GCGR: variants seen among roughly 807,000 people sequenced by gnomAD.
GCGR encodes the protein glucagon receptor.
A neutral mutation model predicts 56.1 loss-of-function variants in GCGR; 41 were observed. That is an observed-to-expected ratio of 0.73 (90% CI 0.57 to 0.95). GCGR has a LOEUF of 0.95. Among genes scored for constraint, GCGR ranks in the 40% least tolerant of loss-of-function variants. The probability of loss-of-function intolerance (pLI) is 0.00; values close to 1 mark genes in which losing one functional copy is unlikely to be tolerated. For synonymous variants in GCGR, 278 were observed against 271.1 expected (o/e 1.03, Z -0.25); for missense variants, 595 against 638.2 (o/e 0.93, Z 0.73).
rs370693011 is a variant in GCGR at position 81,809,889 on chromosome 17, GC to G, written c.163+11del. 2.4e-4 allele frequency: 362 copies of G among 1,527,570 alleles called. No homozygotes were observed. The African/African-American group carries it at 4.3e-3, about 18-fold the overall frequency. 94.6% of individuals were successfully genotyped at this position (1,527,570 alleles called of 1,614,324 possible). A position where few individuals can be genotyped will look rare whatever the true frequency, so the allele number is the denominator to read the frequency against. On this transcript the variant is annotated splice_donor_region_variant and intron_variant, in intron 3 of 13. Transcript: ENST00000400723. ...GCCTGCTGCCCCCTCCCACGGGTGA[GC>G]CCCCCACCCAGAGCCTTTCAGCCTG...
intron 3 of GCGR, 31 bp downstream of exon 3, chr17:81,809,915 G>A (rs1403307855): frequency 1.4e-6 from 2 of 1,465,254 alleles, no homozygotes; most frequent in Non-Finnish European, 1.8e-6. Flanking sequence ...CTTTCAGCCT[G>A]TGCCTGGCCT....
rs572269001 is a variant in GCGR, at chr17:81,810,680, G to C, written c.164-145G>C. On this transcript the variant is annotated intron_variant, in intron 3 of 13. Coordinates refer to ENST00000400723, the MANE Select transcript of GCGR (RefSeq NM_000160.5). The surrounding 1 kb of genome is among the most constrained non-coding windows in gnomAD (Gnocchi z 4.6). ...GTCAGATGGGGGAGGTGGAGGTCAA[G>C]TGGGGGAGGGAGCAGCCCAGGCCAT... The C allele has an allele frequency of 1.4e-5, 10 of 734,332 alleles. No individual in the cohort carries two copies. Among genetic ancestry groups the C allele is most frequent in the East Asian group, 1.3e-4 (5 of 37,114 alleles). The allele number at this position is 734,332 out of a possible 1,614,324, so 45.5% of individuals were successfully genotyped here.
In GCGR at chr17:81,808,974, G is replaced by A. The variant is rs1568249791; in HGVS notation, c.-45G>A. 3 of 1,534,480 alleles carry A rather than the reference G, an allele frequency of 2.0e-6. No homozygotes were observed. The highest frequency in any genetic ancestry group is 1.4e-5 in the African/African-American group (1 of 73,140). On this transcript the variant is annotated 5_prime_UTR_variant, in exon 2 of 14. In the 5' UTR this introduces an upstream ATG that the reference lacks. Transcript: ENST00000400723. ...CCACCAGGACTGCATTGCCCCAGCT[G>A]TGCAGCCCCTGCCAGATGTGGGAGG...
intron 1 of GCGR, among the ~76,000 whole-genome samples, chr17:81,807,336 C>T (rs138583122): frequency 1.7e-4 from 26 of 152,276 alleles, no homozygotes; most frequent in East Asian, 7.7e-4. Context: ...CCAAGGGCTG[C>T]GGTTGGGAGC....
rs772521210 is a variant in GCGR, at chr17:81,811,983, G to T, written c.878+37G>T. ...CGGCTGGACAGCCTGGGGAGGGACC[G>T]GGGGGCTGGGGTGCGGCGCTCTGGC... On this transcript the variant is annotated intron_variant, in intron 9 of 13. Transcript: ENST00000400723. This position sits in a 1 kb window ranked among gnomAD's most constrained non-coding sequence, Gnocchi z 5.8. The T allele has an allele frequency of 7.2e-6, 11 of 1,535,518 alleles. No homozygotes were observed. The South Asian group carries it at 1.3e-4, about 18-fold the overall frequency.
Position 81,813,387 on chromosome 17 carries a change from C to T in GCGR, c.1219-87C>T. The T allele has an allele frequency of 2.4e-6, 3 of 1,243,496 alleles. No individual in the cohort carries two copies. Among genetic ancestry groups the T allele is most frequent in the African/African-American group, 3.0e-5 (2 of 66,946 alleles). 77.0% of individuals were successfully genotyped at this position (1,243,496 alleles called of 1,614,324 possible). ...TGCACCCCTCAGAGCGGAGACTGGG[C>T]ATCTCCGATGAGGCCCACAGCAGGT... On this transcript the variant is annotated intron_variant, in intron 13 of 13. Transcript: ENST00000400723. This position sits in a 1 kb window ranked among gnomAD's most constrained non-coding sequence, Gnocchi z 5.3.
intron 2 of GCGR, 39 bp from the exon 3 acceptor site, chr17:81,809,741 GTC>G (rs200915569): frequency 0.035 from 48,632 of 1,389,634 alleles, 962 homozygotes; most frequent in Middle Eastern, 0.042. Flanking sequence ...CTGCCTGCCT[GTC>G]TGTCTGTCTG....
Position 81,810,429 on chromosome 17 carries a change from G to A in GCGR, c.164-396G>A, listed in dbSNP as rs2038068909. On this transcript the variant is annotated intron_variant, in intron 3 of 13. Transcript: ENST00000400723. The surrounding 1 kb of genome is among the most constrained non-coding windows in gnomAD (Gnocchi z 4.6). ...CAGATGTGGCAGCCACAGGTTTGGC[G>A]ATGCACCTGGGAAGGATGAAAATGG... is the stretch of plus-strand genomic sequence containing the variant. 2.9e-6 allele frequency: 1 copy of A among 347,898 alleles called. No homozygotes were observed. Among genetic ancestry groups the A allele is most frequent in the Non-Finnish European group, 5.5e-6 (1 of 182,804 alleles). The allele number at this position is 347,898 out of a possible 1,614,324, so 21.6% of individuals were successfully genotyped here. A position where few individuals can be genotyped will look rare whatever the true frequency, so the allele number is the denominator to read the frequency against.
chr17:81,811,911 CT>C lies in GCGR; in HGVS notation c.844del (p.Trp282GlyfsTer35). The C allele has an allele frequency of 6.5e-7, 1 of 1,537,118 alleles. No homozygotes were observed. Among genetic ancestry groups the C allele is most frequent in the Non-Finnish European group, 8.7e-7 (1 of 1,146,882 alleles). On this transcript the variant is annotated frameshift_variant, in exon 9 of 14. Coordinates refer to ENST00000400723, the MANE Select transcript of GCGR (RefSeq NM_000160.5). LOFTEE classifies it high-confidence loss of function. This position sits in a 1 kb window ranked among gnomAD's most constrained non-coding sequence, Gnocchi z 5.8. ...WGAPMLFVVP[W>X]AVVKCLFENV... ...GTGCCCCCATGCTGTTCGTCGTCCC[CT>C]GGGCAGTGGTCAAGTGTCTGTTCGA...
intron 1 of GCGR, among the ~76,000 whole-genome samples, chr17:81,807,539 C>A (rs2037988411): frequency 6.6e-6 from 1 of 152,194 alleles, no homozygotes; most frequent in Non-Finnish European, 1.5e-5. Context: ...GCCCGGAAAC[C>A]CTCTGCTCCA....
intron 1 of GCGR, among the ~76,000 whole-genome samples, chr17:81,808,199 G>A (rs1373230123): frequency 1.3e-5 from 2 of 152,262 alleles, no homozygotes; most frequent in Admixed American, 6.5e-5. Flanking sequence ...TGGCACTGGG[G>A]CCAAGTGATG....
chr17:81,809,660 T>TGTCTGCCTGTCTGTCC (rs1340802295), intron 2 of GCGR, 122 bp from the exon 3 acceptor site: 9 of 730,806 alleles, frequency 1.2e-5, no homozygotes, highest in Non-Finnish European at 2.1e-5. Flanking sequence ...TCTGCCTGTC[T>TGTCTGCCTGTCTGTCC]GTCTGCCTGT....
intron 1 of GCGR, among the ~76,000 whole-genome samples, chr17:81,807,446 C>T (rs1271207312): frequency 6.6e-6 from 1 of 152,220 alleles, no homozygotes; most frequent in Admixed American, 6.5e-5. Flanking sequence ...CTGGGTGGAG[C>T]TGGCCCCACG....
rs2038152326 is a variant in GCGR at position 81,813,609 on chromosome 17, A to G, written c.1354A>G (p.Arg452Gly). The G allele has an allele frequency of 3.9e-6, 6 of 1,536,314 alleles. No individual in the cohort carries two copies. Among genetic ancestry groups the G allele is most frequent in the Non-Finnish European group, 5.2e-6 (6 of 1,146,832 alleles). The change falls in exon 14 of 14, where the codon AGG becomes GGG. Residue 452 changes from arginine to glycine, a missense_variant. Physicochemically the swap from Arg to Gly is moderately radical, Grantham distance 125 (BLOSUM62 -2). Transcript: ENST00000400723. The surrounding 1 kb of genome is among the most constrained non-coding windows in gnomAD (Gnocchi z 5.3). Reference protein sequence around the residue: ...GPPSKELQFGRGGGSQDSSAE... With the variant: ...GPPSKELQFGGGGGSQDSSAE... Reference sequence around the variant, plus strand: ...TCCCAGCAAGGAGCTGCAGTTTGGGAGGGGTGGTGGCAGCCAGGATTCATC... The same window carrying G: ...TCCCAGCAAGGAGCTGCAGTTTGGGGGGGGTGGTGGCAGCCAGGATTCATC...
At chr17:81,805,908 A>G (rs2037953498) in intron 1 of GCGR, among the ~76,000 whole-genome samples, 1 of 151,826 alleles carries the variant, frequency 6.6e-6, no homozygotes, top group Non-Finnish European at 1.5e-5. Context: ...CCACTCCTTC[A>G]GTCAACAAAC....
intron 1 of GCGR, among the ~76,000 whole-genome samples, chr17:81,807,918 C>T (rs777057625): frequency 6.6e-6 from 1 of 152,218 alleles, no homozygotes; most frequent in Non-Finnish European, 1.5e-5. Flanking sequence ...GCAGGCACCA[C>T]GGGGGATGTC....
In GCGR at chr17:81,811,322, G is replaced by C. The variant is rs1044952705; in HGVS notation, c.494G>C (p.Gly165Ala). 1.3e-6 allele frequency: 2 copies of C among 1,534,970 alleles called. No homozygotes were observed. The highest frequency in any genetic ancestry group is 1.7e-6 in the Non-Finnish European group (2 of 1,145,952). ...CTCCTCGCCTTGGCCATCCTGGGGG[G>C]CCTCAGGTAGGATTCCGCCAGCGCC... is the stretch of plus-strand genomic sequence containing the variant. ...ALLLALAILG[G>A]LSKLHCTRNA... Residue 165 changes from glycine to alanine, a missense_variant, in exon 6 of 14, where the codon GGC becomes GCC. Gly to Ala is a moderately conservative substitution (Grantham distance 60). Transcript: ENST00000400723. The surrounding 1 kb of genome is among the most constrained non-coding windows in gnomAD (Gnocchi z 5.8).
chr17:81,810,487 T>G lies in GCGR; in HGVS notation c.164-338T>G. On this transcript the variant is annotated intron_variant, in intron 3 of 13. Transcript: ENST00000400723. This position sits in a 1 kb window ranked among gnomAD's most constrained non-coding sequence, Gnocchi z 4.6. ...GTTCAGCCCCCAGAGAGGGAGGTGC[T>G]GAGAGAAGGTCACGGAGAATGGGGG... is the stretch of plus-strand genomic sequence containing the variant. 2.3e-6 allele frequency: 1 copy of G among 436,072 alleles called. No homozygotes were observed. The highest frequency in any genetic ancestry group is 2.5e-5 in the South Asian group (1 of 40,784). 27.0% of individuals were successfully genotyped at this position (436,072 alleles called of 1,614,324 possible). A position where few individuals can be genotyped will look rare whatever the true frequency, so the allele number is the denominator to read the frequency against.
intron 1 of GCGR, 114 bp from the exon 2 acceptor site, chr17:81,808,728 C>T: frequency 2.0e-6 from 1 of 500,718 alleles, no homozygotes; most frequent in Admixed American, 3.5e-5. Context: ...ACTGTGTTAG[C>T]CAGGATGGTC....
Sources: allele counts gnomAD v4.1 joint callset (sites outside exome capture counted in the v4.1 genomes callset), GRCh38; gene constraint gnomAD v4.1.1; non-coding constraint Gnocchi (gnomAD v3.1); transcripts MANE v1.5; gene names NCBI Gene and HGNC (gene_info 2026-07-23, HGNC 2026-07-21).